ABTB2: variants seen among roughly 807,000 people sequenced by gnomAD.
The protein encoded by ABTB2 is ankyrin repeat and BTB/POZ domain-containing protein 2.
ABTB2 carries 56 observed loss-of-function variants against 104.1 expected under a neutral mutation model. The observed-to-expected ratio is 0.54, with a 90% CI of 0.43 to 0.67. The LOEUF (loss-of-function observed/expected upper bound fraction) is 0.67. ABTB2 is among the 30% of genes least tolerant of loss of function. ABTB2 has a pLI of 0.00. For synonymous variants in ABTB2, 606 were observed against 608.2 expected (o/e 1.00, Z 0.05); for missense variants, 1,279 against 1,407.7 (o/e 0.91, Z 1.46).
At position 34,195,075 on chromosome 11, in the gene ABTB2, C is replaced by CGGGGGGGG. The variant is rs1461939590; in HGVS notation, c.1244+2242_1244+2249dup. ...CACAGGACATGACAAAGATGCCCGG[C>CGGGGGGGG]GGGGGGGGGGAGTGGGGGCGGGAGA... On this transcript the variant is annotated intron_variant, in intron 3 of 16. Transcript: ENST00000435224. Among the ~76,000 whole-genome samples, 32 of 18,028 alleles carry CGGGGGGGG rather than the reference C, an allele frequency of 1.8e-3. 1 individual carries two copies. The highest frequency in any genetic ancestry group is 4.0e-3 in the Admixed American group (6 of 1,510). The allele number at this position is 18,028 out of a possible 152,430, so 11.8% of individuals were successfully genotyped here. A position where few individuals can be genotyped will look rare whatever the true frequency, so the allele number is the denominator to read the frequency against.
At chr11:34,326,495 T>C (rs1368744485) in intron 1 of ABTB2, among the ~76,000 whole-genome samples, 1 of 152,028 alleles carries the variant, frequency 6.6e-6, no homozygotes, top group East Asian at 1.9e-4. Flanking sequence ...TTAGGTGTGG[T>C]GGCACATGCC....
intron 1 of ABTB2, among the ~76,000 whole-genome samples, chr11:34,211,965 C>T (rs191000517): frequency 2.7e-5 from 4 of 150,772 alleles, no homozygotes; most frequent in African/African-American, 7.3e-5. Context: ...CAAAACCCAT[C>T]TCAAGACGTG....
At chr11:34,311,117 G>C (rs2133105073) in intron 1 of ABTB2, among the ~76,000 whole-genome samples, 1 of 152,284 alleles carries the variant, frequency 6.6e-6, no homozygotes, top group African/African-American at 2.4e-5. Flanking sequence ...GCTCCTCAGA[G>C]CTCTAGCTTT....
chr11:34,255,691 T>C (rs1854113377), intron 1 of ABTB2, among the ~76,000 whole-genome samples: 1 of 152,160 alleles, frequency 6.6e-6, no homozygotes, highest in African/African-American at 2.4e-5. Context: ...CTAATTTTTA[T>C]ATTTTTGTAG....
At chr11:34,299,132 G>C (rs1277023327) in intron 1 of ABTB2, among the ~76,000 whole-genome samples, 1 of 152,152 alleles carries the variant, frequency 6.6e-6, no homozygotes, top group Non-Finnish European at 1.5e-5. Flanking sequence ...TGTTTTTCTG[G>C]AATGGCTGGT....
At chr11:34,193,948 G>A in intron 3 of ABTB2, among the ~76,000 whole-genome samples, 1 of 152,208 alleles carries the variant, frequency 6.6e-6, no homozygotes, top group Non-Finnish European at 1.5e-5. Flanking sequence ...GAGCTCTGGG[G>A]AGAAGGCCCC....
At chr11:34,300,366 T>C (rs960000184) in intron 1 of ABTB2, among the ~76,000 whole-genome samples, 4 of 152,186 alleles carry the variant, frequency 2.6e-5, no homozygotes, top group African/African-American at 9.7e-5. Flanking sequence ...AACCCTACCA[T>C]TTAGCTTGTT....
chr11:34,296,908 G>T (rs1046365587), intron 1 of ABTB2, among the ~76,000 whole-genome samples: 2 of 152,142 alleles, frequency 1.3e-5, no homozygotes, highest in African/African-American at 4.8e-5. Flanking sequence ...GGATGAAGAA[G>T]AAAATGTTTT....
In ABTB2 at chr11:34,356,607, C is replaced by T; in HGVS notation, c.883+94G>A. The T allele has an allele frequency of 1.4e-6, 2 of 1,423,116 alleles. No homozygotes were observed. The highest frequency in any genetic ancestry group is 5.0e-5 in the East Asian group (2 of 39,852). 88.2% of individuals were successfully genotyped at this position (1,423,116 alleles called of 1,614,324 possible). A position where few individuals can be genotyped will look rare whatever the true frequency, so the allele number is the denominator to read the frequency against. On this transcript the variant is annotated intron_variant, in intron 1 of 16. Transcript: ENST00000435224. This position sits in a 1 kb window ranked among gnomAD's most constrained non-coding sequence, Gnocchi z 4.6. ...GTTTTCTCCCAAAGAACTGGCACAG[C>T]CACCAGCTTTGTCTCAGGAAATTCA...
chr11:34,246,710 A>C (rs1235188462), intron 1 of ABTB2, among the ~76,000 whole-genome samples: 3 of 151,678 alleles, frequency 2.0e-5, no homozygotes, highest in African/African-American at 7.3e-5. Context: ...ACCACAACAG[A>C]AAACCTCACA....
intron 1 of ABTB2, among the ~76,000 whole-genome samples, chr11:34,288,158 A>C (rs1412792232): frequency 2.0e-5 from 3 of 152,210 alleles, no homozygotes; most frequent in Non-Finnish European, 4.4e-5. Context: ...CATATAGGAA[A>C]GTTGAAAGCA....
chr11:34,323,906 C>CTTTTTTTTTTTTTTTTTTTTTTTTTT (rs56375939), intron 1 of ABTB2, among the ~76,000 whole-genome samples: 1 of 63,878 alleles, frequency 1.6e-5, no homozygotes, highest in Non-Finnish European at 2.7e-5. Flanking sequence ...TAAATTCCCT[C>CTTTTTTTTTTTTTTTTTTTTTTTTTT]TTTTTTTTTT....
intron 1 of ABTB2, among the ~76,000 whole-genome samples, chr11:34,231,832 C>T (rs1421288981): frequency 2.0e-5 from 3 of 152,144 alleles, no homozygotes; most frequent in Non-Finnish European, 4.4e-5. Context: ...CCTCTGTGGA[C>T]TTCCCCGCAA....
chr11:34,288,543 AACAGACAGAGCCCAGAACAG>A (rs1409279905), intron 1 of ABTB2, among the ~76,000 whole-genome samples: 1 of 120,868 alleles, frequency 8.3e-6, no homozygotes, highest in Non-Finnish European at 2.1e-5. Context: ...ATTGTAACAG[AACAGACAGAGCCCAGAACAG>A]ACAGAGTGTG....
chr11:34,238,757 C>CT (rs933291607), intron 1 of ABTB2, among the ~76,000 whole-genome samples: 35 of 151,412 alleles, frequency 2.3e-4, no homozygotes, highest in African/African-American at 8.0e-4. Context: ...AATCATCATT[C>CT]TTTTTTTTTC....
In ABTB2 at chr11:34,357,781, G is replaced by T; in HGVS notation, c.-198C>A. 1.7e-6 allele frequency: 1 copy of T among 574,438 alleles called. No homozygotes were observed. The highest frequency in any genetic ancestry group is 2.9e-6 in the Non-Finnish European group (1 of 346,854). The allele number at this position is 574,438 out of a possible 1,614,324, so 35.6% of individuals were successfully genotyped here. ...GATCCGTGGCCAGCAGGAGCCCCAC[G>T]CTCCCGGCGTCCCGACTCGCAGCTG... On this transcript the variant is annotated 5_prime_UTR_variant, in exon 1 of 17. Coordinates refer to ENST00000435224, the MANE Select transcript of ABTB2 (RefSeq NM_145804.3).
intron 1 of ABTB2, among the ~76,000 whole-genome samples, chr11:34,318,508 G>A (rs1265097531): frequency 6.6e-6 from 1 of 152,190 alleles, no homozygotes; most frequent in African/African-American, 2.4e-5. Context: ...TCCCAAGGAG[G>A]AAGCTTGGGG....
chr11:34,183,309 G>A (rs752188863), intron 3 of ABTB2, among the ~76,000 whole-genome samples: 5 of 152,106 alleles, frequency 3.3e-5, no homozygotes, highest in Non-Finnish European at 4.4e-5. Flanking sequence ...CATGTTGCCC[G>A]GGCTGGTCTT....
chr11:34,295,181 C>T (rs938560389), intron 1 of ABTB2, among the ~76,000 whole-genome samples: 2 of 151,786 alleles, frequency 1.3e-5, no homozygotes, highest in South Asian at 2.1e-4. Flanking sequence ...AAGATCCTAT[C>T]CTTAAAAATT....
Sources: gnomAD v4.1 joint callset for allele counts (sites outside exome capture counted in the v4.1 genomes callset) on GRCh38, gnomAD v4.1.1 for gene constraint, Gnocchi (gnomAD v3.1) non-coding constraint, MANE v1.5 for transcripts, NCBI Gene and HGNC (gene_info 2026-07-23, HGNC 2026-07-21) for gene names.